MAST2: variants seen among roughly 807,000 people sequenced by gnomAD.
MAST2 encodes the protein microtubule associated serine/threonine kinase 2.
MAST2 carries 70 observed loss-of-function variants against 147.4 expected under a neutral mutation model. The ratio of observed to expected loss-of-function variants is 0.47; its 90% CI spans 0.39 to 0.58. The LOEUF is 0.58. MAST2 is among the 20% of genes least tolerant of loss of function. The pLI, the probability that MAST2 is intolerant of heterozygous loss-of-function variation, is 0.00. For missense variants in MAST2, 2,080 were observed against 2,302.3 expected, an observed-to-expected ratio of 0.90 and a Z score of 1.98; for synonymous variants, 869 against 896.8, an observed-to-expected ratio of 0.97 and a Z score of 0.55.
chr1:45,936,516 T>C (rs1213039263), intron 4 of MAST2, among the ~76,000 whole-genome samples: 1 of 152,164 alleles, frequency 6.6e-6, no homozygotes, highest in East Asian at 1.9e-4. Flanking sequence ...GCTCTTATTA[T>C]TTTGAGGTAT....
Position 45,994,274 on chromosome 1 carries a change from C to CTTTTTTTTTTTTT in MAST2, c.593-3437_593-3425dup, listed in dbSNP as rs869216588. On this transcript the variant is annotated intron_variant, in intron 5 of 28. Transcript: ENST00000361297. ...GCAAGTGGCTCAAAGCCCTAACCCT[C>CTTTTTTTTTTTTT]TTTTTTTTTTTTTTTTTTTTTTTTT... 4.0e-3 allele frequency among the ~76,000 whole-genome samples: 249 copies of CTTTTTTTTTTTTT among 62,036 alleles called. 37 individuals carry two copies. The highest frequency in any genetic ancestry group is 8.4e-3 in the South Asian group (10 of 1,192). 40.7% of individuals were successfully genotyped at this position (62,036 alleles called of 152,430 possible).
chr1:45,835,350 C>T (rs532595860), intron 3 of MAST2, among the ~76,000 whole-genome samples: 48 of 152,114 alleles, frequency 3.2e-4, no homozygotes, highest in African/African-American at 7.5e-4. Context: ...GAGTGATTTT[C>T]GTTAGAAAAC....
chr1:45,859,515 C>T (rs114298836), intron 3 of MAST2, among the ~76,000 whole-genome samples: 1,908 of 152,090 alleles, frequency 0.013, 29 homozygotes, highest in African/African-American at 0.039. Flanking sequence ...CAAAGTGGTG[C>T]GTGCAAGAGA....
At position 46,006,406 on chromosome 1, in the gene MAST2, T is replaced by C. The variant is rs1645487995; in HGVS notation, c.902+11T>C. 1 of 1,609,744 alleles carries C rather than the reference T, an allele frequency of 6.2e-7. No individual in the cohort carries two copies. Among genetic ancestry groups the C allele is most frequent in the Admixed American group, 1.7e-5 (1 of 59,678 alleles). On this transcript the variant is annotated intron_variant, in intron 8 of 28. Coordinates refer to ENST00000361297, the MANE Select transcript of MAST2 (RefSeq NM_015112.3). ...CTCCCGGAGCCTCAGGTGAGGGTGC[T>C]CTCTGCCCACTGTTCCAGTGCATGT... is the stretch of plus-strand genomic sequence containing the variant.
chr1:46,035,914 G>T lies in MAST2; in HGVS notation c.5245G>T (p.Ala1749Ser). ...CCTGAGCATCACCCAAGTGCCTGAT[G>T]CCTCAGGTGACAGAAGGCAGGACGT... ...PALSITQVPDASGDRRQDVPC... is the reference protein window; with the variant it reads ...PALSITQVPDSSGDRRQDVPC... The change falls in exon 29 of 29, where the codon GCC (alanine) becomes TCC (serine). Residue 1749 changes from alanine to serine, a missense_variant. Coordinates refer to ENST00000361297, the MANE Select transcript of MAST2 (RefSeq NM_015112.3). This position sits in a 1 kb window ranked among gnomAD's most constrained non-coding sequence, Gnocchi z 5.5. 6.2e-7 allele frequency: 1 copy of T among 1,614,104 alleles called. No individual in the cohort carries two copies.
At chr1:45,931,369 T>C (rs1655258313) in intron 4 of MAST2, among the ~76,000 whole-genome samples, 1 of 140,270 alleles carries the variant, frequency 7.1e-6, no homozygotes, top group African/African-American at 2.6e-5. Flanking sequence ...AAGGTGGTAT[T>C]GTGTTCTGTT....
chr1:45,878,930 C>CTTT (rs34533331), intron 3 of MAST2, among the ~76,000 whole-genome samples: 14 of 145,882 alleles, frequency 9.6e-5, no homozygotes, highest in African/African-American at 2.8e-4. Flanking sequence ...TCCCAGCAGG[C>CTTT]TTTTTTTTTT....
chr1:46,005,178 C>T (rs1424783097), intron 7 of MAST2, among the ~76,000 whole-genome samples: 3 of 152,158 alleles, frequency 2.0e-5, no homozygotes, highest in South Asian at 2.1e-4. Context: ...GCCTGACCAA[C>T]GTGGAAAAAC....
chr1:45,824,711 G>T (rs1644737677), intron 2 of MAST2, 131 bp downstream of exon 2: 1 of 898,484 alleles, frequency 1.1e-6, no homozygotes. Context: ...TTATGGTAAG[G>T]CTGTCTTCCT....
chr1:45,922,635 C>A (rs1361533168), intron 4 of MAST2, among the ~76,000 whole-genome samples: 1 of 152,174 alleles, frequency 6.6e-6, no homozygotes, highest in Non-Finnish European at 1.5e-5. Context: ...CGGGAGCGGA[C>A]GATTCTGAGC....
intron 6 of MAST2, among the ~76,000 whole-genome samples, chr1:45,998,240 T>C (rs1645135168): frequency 6.6e-6 from 1 of 152,198 alleles, no homozygotes; most frequent in Non-Finnish European, 1.5e-5. Flanking sequence ...GAAAGGGCTC[T>C]TTGTGCCTCT....
chr1:45,983,334 CTT>C (rs1478852348), intron 5 of MAST2, among the ~76,000 whole-genome samples: 1 of 152,106 alleles, frequency 6.6e-6, no homozygotes, highest in Non-Finnish European at 1.5e-5. Context: ...CAGAAAAAGT[CTT>C]TGACTTAGAA....
intron 5 of MAST2, among the ~76,000 whole-genome samples, chr1:45,985,530 C>T (rs903826208): frequency 6.6e-6 from 1 of 152,164 alleles, no homozygotes; most frequent in African/African-American, 2.4e-5. Flanking sequence ...TTTTGTCACT[C>T]ATAGATTACT....
chr1:45,944,203 T>C (rs1462165079), intron 4 of MAST2, among the ~76,000 whole-genome samples: 1 of 152,228 alleles, frequency 6.6e-6, no homozygotes, highest in Non-Finnish European at 1.5e-5. Flanking sequence ...GTAATATCAC[T>C]TCCTTTCTTG....
At chr1:46,018,451 G>C (rs752196893) in intron 10 of MAST2, among the ~76,000 whole-genome samples, 35 of 152,252 alleles carry the variant, frequency 2.3e-4, no homozygotes, top group African/African-American at 5.3e-4. Flanking sequence ...AAACAGTAAA[G>C]GGAAACATTA....
intron 4 of MAST2, among the ~76,000 whole-genome samples, chr1:45,943,658 A>G (rs1657635852): frequency 6.6e-6 from 1 of 152,178 alleles, no homozygotes; most frequent in Admixed American, 6.5e-5. Flanking sequence ...AGGCAGGAGA[A>G]TCGCTTGAAC....
intron 5 of MAST2, among the ~76,000 whole-genome samples, chr1:45,961,306 G>A (rs950609651): frequency 1.3e-5 from 2 of 152,158 alleles, no homozygotes; most frequent in Non-Finnish European, 2.9e-5. Flanking sequence ...GAGAAACTCA[G>A]CATACATCTA....
intron 6 of MAST2, chr1:46,000,983 A>G: frequency 7.8e-7 from 1 of 1,289,602 alleles, no homozygotes; most frequent in Non-Finnish European, 1.0e-6. Flanking sequence ...CTGACAGGTA[A>G]TAGCGGGTAT....
intron 11 of MAST2, 39 bp downstream of exon 11, chr1:46,019,736 A>AGGAG (rs747117704): frequency 8.4e-6 from 13 of 1,553,428 alleles, no homozygotes; most frequent in Non-Finnish European, 3.6e-6. Flanking sequence ...GCAGATTTAG[A>AGGAG]GGAGGACTAT....
Sources: allele counts gnomAD v4.1 joint callset (sites outside exome capture counted in the v4.1 genomes callset), GRCh38; gene constraint gnomAD v4.1.1; non-coding constraint Gnocchi (gnomAD v3.1); transcripts MANE v1.5; gene names NCBI Gene and HGNC (gene_info 2026-07-23, HGNC 2026-07-21).